The following PACS2 variants were observed in gnomAD, a reference collection of about 807,000 sequenced individuals.
The protein encoded by PACS2 is PACS1-like protein.
PACS2 carries 36 observed loss-of-function variants against 113.0 expected under a neutral mutation model. That is an observed-to-expected ratio of 0.32 (90% CI 0.24 to 0.42). The LOEUF (loss-of-function observed/expected upper bound fraction) is 0.42, where lower values mean the gene tolerates loss of function less well. Ranked by LOEUF, PACS2 falls within the 10% of genes least tolerant of loss-of-function variation. The pLI, the probability that PACS2 is intolerant of heterozygous loss-of-function variation, is 1.00. For synonymous variants in PACS2, 589 were observed against 536.1 expected (o/e 1.10, Z -1.36); for missense variants, 1,015 against 1,239.5 (o/e 0.82, Z 2.72).
chr14:105,369,130 A>G (rs2061056615), intron 7 of PACS2, among the ~76,000 whole-genome samples: 1 of 152,232 alleles, frequency 6.6e-6, no homozygotes, highest in South Asian at 2.1e-4. Context: ...GGACATGGGC[A>G]CAGCCCAGCC....
intron 1 of PACS2, among the ~76,000 whole-genome samples, chr14:105,343,699 C>CT (rs200290671): frequency 0.071 from 10,074 of 142,124 alleles, 1,141 homozygotes; most frequent in African/African-American, 0.24. Context: ...ATTTTGCTCA[C>CT]TTTTTTTTTT....
chr14:105,375,718 G>C (rs587739410), intron 8 of PACS2, among the ~76,000 whole-genome samples: 1 of 152,330 alleles, frequency 6.6e-6, no homozygotes, highest in Non-Finnish European at 1.5e-5. Flanking sequence ...GTAAGGTGGT[G>C]TGGCAGCCAC....
At chr14:105,359,961 C>T (rs1324089691) in intron 4 of PACS2, among the ~76,000 whole-genome samples, 1 of 152,184 alleles carries the variant, frequency 6.6e-6, no homozygotes, top group Non-Finnish European at 1.5e-5. Context: ...TGTTTAGACA[C>T]ATAAATACTT....
chr14:105,333,285 G>C (rs1011883004), intron 1 of PACS2, among the ~76,000 whole-genome samples: 1 of 152,222 alleles, frequency 6.6e-6, no homozygotes, highest in Non-Finnish European at 1.5e-5. Context: ...CCTGTGCAGA[G>C]CAGGTGCTGG....
intron 8 of PACS2, among the ~76,000 whole-genome samples, chr14:105,375,910 C>T (rs2061338451): frequency 6.6e-6 from 1 of 152,200 alleles, no homozygotes; most frequent in African/African-American, 2.4e-5. Context: ...ACTGCAGAAC[C>T]ATCAGAGGAA....
intron 1 of PACS2, among the ~76,000 whole-genome samples, chr14:105,344,350 A>G (rs1411632332): frequency 6.6e-6 from 1 of 151,732 alleles, no homozygotes; most frequent in Non-Finnish European, 1.5e-5. Flanking sequence ...GCGTGCAGTG[A>G]TACGATCTCG....
In PACS2 at chr14:105,354,881, A is replaced by T. The variant is rs1006410361; in HGVS notation, c.298-171A>T. ...GTTGGGTAAAGGATGGGCTCTGGGG[A>T]CCGGCATGCCACTGGGATGAACTTG... On this transcript the variant is annotated intron_variant, in intron 3 of 24. Coordinates refer to ENST00000447393, the MANE Select transcript of PACS2 (RefSeq NM_001100913.3). This position sits in a 1 kb window ranked among gnomAD's most constrained non-coding sequence, Gnocchi z 4.2. Among the ~76,000 whole-genome samples, 2 of 152,098 alleles carry T rather than the reference A, an allele frequency of 1.3e-5. No individual in the cohort carries two copies. Among genetic ancestry groups the T allele is most frequent in the Non-Finnish European group, 2.9e-5 (2 of 68,016 alleles).
At chr14:105,326,393 C>T (rs2059108710) in intron 1 of PACS2, among the ~76,000 whole-genome samples, 1 of 152,224 alleles carries the variant, frequency 6.6e-6, no homozygotes. Context: ...CCCAGGAGCG[C>T]CTCAGGAGGG....
At chr14:105,341,360 GGTATTCA>G (rs2059717750) in intron 1 of PACS2, among the ~76,000 whole-genome samples, 1 of 152,198 alleles carries the variant, frequency 6.6e-6, no homozygotes, top group Non-Finnish European at 1.5e-5. Context: ...TAACACTGTG[GGTATTCA>G]GCAAGTTGTC....
At chr14:105,374,422 C>T (rs1555409985) in intron 8 of PACS2, among the ~76,000 whole-genome samples, 1 of 152,140 alleles carries the variant, frequency 6.6e-6, no homozygotes, top group Non-Finnish European at 1.5e-5. Flanking sequence ...TGATAAGGGG[C>T]TTGAATCCAG....
Position 105,392,859 on chromosome 14 carries a change from G to C in PACS2, c.2482+14G>C, listed in dbSNP as rs199688837. 2 of 1,569,428 alleles carry C rather than the reference G, an allele frequency of 1.3e-6. No homozygotes were observed. Among genetic ancestry groups the C allele is most frequent in the Admixed American group, 1.7e-5 (1 of 59,958 alleles). ...AGAACAAGAAGGGTGAGGTGGGGCAGGCTATAAGGCCACACGGCGCAGAAG... is the reference window on the plus strand; with the variant it reads ...AGAACAAGAAGGGTGAGGTGGGGCACGCTATAAGGCCACACGGCGCAGAAG... On this transcript the variant is annotated intron_variant, in intron 23 of 24. Transcript: ENST00000447393.
chr14:105,339,691 GTC>G (rs1263263352), intron 1 of PACS2, among the ~76,000 whole-genome samples: 4 of 146,890 alleles, frequency 2.7e-5, no homozygotes, highest in African/African-American at 1.0e-4. Flanking sequence ...GCAAGATTCT[GTC>G]TCTATTAAAA....
At chr14:105,353,887 C>G (rs2060329233) in intron 3 of PACS2, among the ~76,000 whole-genome samples, 1 of 152,052 alleles carries the variant, frequency 6.6e-6, no homozygotes, top group South Asian at 2.1e-4. Context: ...ACACCATGCC[C>G]AGCCTAGTTT....
chr14:105,346,469 C>T (rs1163065382), intron 1 of PACS2, among the ~76,000 whole-genome samples: 64 of 146,558 alleles, frequency 4.4e-4, no homozygotes, highest in Non-Finnish European at 3.0e-4. Context: ...GGCTCCCCCA[C>T]CCCCGCCCAC....
rs1300150102 is a variant in PACS2, at chr14:105,357,832, G to C, written c.423+2655G>C. Among the ~76,000 whole-genome samples the C allele has an allele frequency of 6.6e-6, 1 of 152,200 alleles. No individual in the cohort carries two copies. The highest frequency in any genetic ancestry group is 1.5e-5 in the Non-Finnish European group (1 of 68,036). On this transcript the variant is annotated intron_variant, in intron 4 of 24. Coordinates refer to ENST00000447393, the MANE Select transcript of PACS2 (RefSeq NM_001100913.3). This position sits in a 1 kb window ranked among gnomAD's most constrained non-coding sequence, Gnocchi z 5.1. ...GCCATAGGGACTGTCGTGAGAGTGG[G>C]GTGTCGGTGAGGCTGGCGCCATGCA...
Position 105,356,715 on chromosome 14 carries a change from G to A in PACS2, c.423+1538G>A, listed in dbSNP as rs1325691271. ...GGTCCCTGTGTTTCCCATTAGCCAT[G>A]CAGGCGAGGTCCTGCTGATCCCTGC... On this transcript the variant is annotated intron_variant, in intron 4 of 24. Transcript: ENST00000447393. This position sits in a 1 kb window ranked among gnomAD's most constrained non-coding sequence, Gnocchi z 4.0. Among the ~76,000 whole-genome samples the A allele has an allele frequency of 8.2e-5, 12 of 147,072 alleles. 1 individual carries two copies. The highest frequency in any genetic ancestry group is 1.5e-5 in the Non-Finnish European group (1 of 66,208).
In PACS2 at chr14:105,391,770, A is replaced by G; in HGVS notation, c.2255+4A>G. 1 of 1,589,740 alleles carries G rather than the reference A, an allele frequency of 6.3e-7. No individual in the cohort carries two copies. Among genetic ancestry groups the G allele is most frequent in the Non-Finnish European group, 8.6e-7 (1 of 1,169,514 alleles). On this transcript the variant is annotated splice_donor_region_variant and intron_variant, in intron 22 of 24. Transcript: ENST00000447393. ...GCGGAGGCCTGTCCTCCCCCAGGTAAAGGTGCCTCACGGCTCAGCACGTTT... is the reference window on the plus strand; with the variant it reads ...GCGGAGGCCTGTCCTCCCCCAGGTAGAGGTGCCTCACGGCTCAGCACGTTT...
At chr14:105,337,862 C>T (rs907209254) in intron 1 of PACS2, among the ~76,000 whole-genome samples, 1 of 152,198 alleles carries the variant, frequency 6.6e-6, no homozygotes, top group Non-Finnish European at 1.5e-5. Context: ...GGGGTGCCCA[C>T]CCTTGCTCCG....
intron 19 of PACS2, among the ~76,000 whole-genome samples, chr14:105,387,477 G>A (rs1195197291): frequency 2.0e-5 from 3 of 152,310 alleles, no homozygotes; most frequent in East Asian, 1.9e-4. Context: ...CTCCGTGCCC[G>A]CGGGGCCTCC....
Sources: allele counts gnomAD v4.1 joint callset (sites outside exome capture counted in the v4.1 genomes callset), GRCh38; gene constraint gnomAD v4.1.1; non-coding constraint Gnocchi (gnomAD v3.1); transcripts MANE v1.5; gene names NCBI Gene and HGNC (gene_info 2026-07-23, HGNC 2026-07-21).